ROBO2: variants seen among roughly 807,000 people sequenced by gnomAD.
ROBO2 encodes the protein roundabout homolog 2.
In ROBO2, 53 loss-of-function variants were observed where a neutral mutation model predicts 160.8. The ratio of observed to expected loss-of-function variants is 0.33; its 90% CI spans 0.26 to 0.41. The LOEUF is 0.41. Among genes scored for constraint, ROBO2 ranks in the 10% least tolerant of loss-of-function variants. The probability of loss-of-function intolerance (pLI) is 1.00; values close to 1 mark genes in which losing one functional copy is unlikely to be tolerated. For missense variants in ROBO2, 1,577 were observed against 1,722.4 expected, an observed-to-expected ratio of 0.92 and a Z score of 1.49; for synonymous variants, 664 against 611.7, an observed-to-expected ratio of 1.09 and a Z score of -1.26.
At chr3:76,197,806 G>T (rs1293761916) in intron 2 of ROBO2, among the ~76,000 whole-genome samples, 5 of 152,152 alleles carry the variant, frequency 3.3e-5, no homozygotes, top group Non-Finnish European at 7.3e-5. Context: ...TCTAGAGCCA[G>T]GATGTTTTGA....
intron 2 of ROBO2, among the ~76,000 whole-genome samples, chr3:76,744,909 C>T (rs1359431688): frequency 1.3e-5 from 2 of 152,110 alleles, no homozygotes; most frequent in Non-Finnish European, 2.9e-5. Flanking sequence ...GCTATTTTTT[C>T]CCCTGAAAGT....
chr3:77,539,472 ATATT>A (rs2092353293), intron 6 of ROBO2, among the ~76,000 whole-genome samples: 1 of 152,140 alleles, frequency 6.6e-6, no homozygotes, highest in African/African-American at 2.4e-5. Context: ...TTCAAACACT[ATATT>A]TACTACTGCA....
intron 2 of ROBO2, among the ~76,000 whole-genome samples, chr3:76,419,533 A>G (rs773590734): frequency 2.0e-5 from 3 of 152,132 alleles, no homozygotes; most frequent in Non-Finnish European, 2.9e-5. Context: ...CAGGGCAATC[A>G]AGATCTTCTA....
Position 76,877,295 on chromosome 3 carries a change from C to G in ROBO2, c.110-220719C>G, listed in dbSNP as rs553279277. Among the ~76,000 whole-genome samples the G allele has an allele frequency of 1.3e-3, 204 of 152,206 alleles. 1 individual carries two copies. In the Middle Eastern group the frequency reaches 0.027, roughly 20 times the overall value. On this transcript the variant is annotated intron_variant, in intron 2 of 26. Transcript: ENST00000487694. ...TCAAAAGATGGTAGTCTTAATCGTA[C>G]GCAAACAGTACACACCTAAGTGTGT...
chr3:76,043,712 C>T (rs1436853576), intron 2 of ROBO2, among the ~76,000 whole-genome samples: 1 of 150,810 alleles, frequency 6.6e-6, no homozygotes, highest in Admixed American at 6.6e-5. Flanking sequence ...TTATGACCAA[C>T]CATAGTTTTG....
At chr3:76,092,319 A>T (rs1406548721) in intron 2 of ROBO2, among the ~76,000 whole-genome samples, 1 of 152,168 alleles carries the variant, frequency 6.6e-6, no homozygotes, top group African/African-American at 2.4e-5. Context: ...AATTCATTTT[A>T]TTGCTAGCTT....
rs144665014 is a variant in ROBO2, at chr3:76,452,325, C to G, written c.109+514723C>G. Among the ~76,000 whole-genome samples the G allele has an allele frequency of 2.9e-3, 441 of 152,152 alleles. 2 individuals are homozygous for G. Among genetic ancestry groups the G allele is most frequent in the African/African-American group, 0.01 (428 of 41,516 alleles). On this transcript the variant is annotated intron_variant, in intron 2 of 26. Coordinates refer to the ROBO2 transcript ENST00000487694. ...TGTATCTCCTAATGCTATCCCTCCC[C>G]CTTCCCCCCACACAACAGTCCCCAG...
rs1045293971 is a variant in ROBO2, at chr3:76,845,346, A to C, written c.110-252668A>C. ...GAATAAAATATCTGTGATTTGAAAG[A>C]CTGTTCTTACCTTTCTAAAAAATAT... On this transcript the variant is annotated intron_variant, in intron 2 of 26. Coordinates refer to the ROBO2 transcript ENST00000487694. Among the ~76,000 whole-genome samples, 3 of 151,964 alleles carry C rather than the reference A, an allele frequency of 2.0e-5. No individual in the cohort carries two copies. The South Asian group carries it at 6.2e-4, about 31-fold the overall frequency.
chr3:77,039,167 G>A (rs2063823943), upstream of ROBO2, among the ~76,000 whole-genome samples: 1 of 152,200 alleles, frequency 6.6e-6, no homozygotes, highest in Non-Finnish European at 1.5e-5. Context: ...AGCCGCTGGA[G>A]GTTAGAGAAT....
chr3:76,503,186 C>A (rs1210528301), intron 2 of ROBO2, among the ~76,000 whole-genome samples: 2 of 152,228 alleles, frequency 1.3e-5, no homozygotes, highest in African/African-American at 2.4e-5. Flanking sequence ...AAGCATCCAG[C>A]ATGGGAGAAA....
chr3:76,308,289 A>G (rs530542903), intron 2 of ROBO2, among the ~76,000 whole-genome samples: 1 of 148,788 alleles, frequency 6.7e-6, no homozygotes, highest in East Asian at 2.0e-4. Context: ...AGGCAGAAGA[A>G]TCGCTTGACC....
At chr3:76,391,166 A>G (rs1318603689) in intron 2 of ROBO2, among the ~76,000 whole-genome samples, 2 of 152,230 alleles carry the variant, frequency 1.3e-5, no homozygotes, top group East Asian at 1.9e-4. Flanking sequence ...GATTCTCATT[A>G]TATCTATTGA....
chr3:75,919,949 A>G (rs1489197620), intron 1 of ROBO2, among the ~76,000 whole-genome samples: 1 of 151,974 alleles, frequency 6.6e-6, no homozygotes, highest in Admixed American at 6.6e-5. Flanking sequence ...TAGTCTGGCT[A>G]CCGGTCTATC....
intron 2 of ROBO2, among the ~76,000 whole-genome samples, chr3:77,257,150 A>G (rs1355980793): frequency 1.3e-5 from 2 of 152,204 alleles, no homozygotes; most frequent in Admixed American, 1.3e-4. Context: ...TGATAATCTG[A>G]AATGAGGGCC....
chr3:76,002,568 T>C (rs616816), intron 2 of ROBO2, among the ~76,000 whole-genome samples: 117,314 of 152,008 alleles, frequency 0.77, 46,448 homozygotes, highest in East Asian at 0.97. Context: ...GGTTCTCATT[T>C]TCTCTTGCCT....
chr3:76,092,891 T>A (rs929165112), intron 2 of ROBO2, among the ~76,000 whole-genome samples: 1 of 152,186 alleles, frequency 6.6e-6, no homozygotes, highest in Non-Finnish European at 1.5e-5. Context: ...ATTTTCCTGA[T>A]AGAAATCACG....
At chr3:76,291,337 G>T (rs1372385673) in intron 2 of ROBO2, among the ~76,000 whole-genome samples, 1 of 152,074 alleles carries the variant, frequency 6.6e-6, no homozygotes, top group Admixed American at 6.6e-5. Flanking sequence ...GTGCATAGAG[G>T]TGTTCATAAG....
intron 2 of ROBO2, among the ~76,000 whole-genome samples, chr3:76,182,599 G>A (rs769385205): frequency 7.9e-5 from 12 of 152,006 alleles, no homozygotes; most frequent in Non-Finnish European, 1.0e-4. Context: ...ACAAGTTGAC[G>A]GCTCCATATG....
chr3:77,050,807 G>A (rs2065155676), intron 1 of ROBO2, among the ~76,000 whole-genome samples: 1 of 150,340 alleles, frequency 6.7e-6, no homozygotes, highest in Non-Finnish European at 1.5e-5. Flanking sequence ...CCATGAGTTT[G>A]AGATCAGCCT....
Sources: allele counts gnomAD v4.1 joint callset (sites outside exome capture counted in the v4.1 genomes callset), GRCh38; gene constraint gnomAD v4.1.1; transcripts MANE v1.5; gene names NCBI Gene and HGNC (gene_info 2026-07-23, HGNC 2026-07-21).